Variants in GALNTL6 observed in about 807,000 individuals in gnomAD.
The protein encoded by GALNTL6 is polypeptide N-acetylgalactosaminyltransferase-like 6.
GALNTL6 carries 46 observed loss-of-function variants against 73.7 expected under a neutral mutation model. The observed-to-expected ratio is 0.62, with a 90% confidence interval of 0.49 to 0.80. GALNTL6 has a LOEUF of 0.80. GALNTL6 is among the 30% of genes least tolerant of loss of function. The probability of loss-of-function intolerance (pLI) is 0.00; values close to 1 mark genes in which losing one functional copy is unlikely to be tolerated. For missense variants in GALNTL6, 604 were observed against 755.0 expected (o/e 0.80, Z 2.34); for synonymous variants, 259 against 263.7 (o/e 0.98, Z 0.17).
intron 8 of GALNTL6, among the ~76,000 whole-genome samples, chr4:172,903,505 C>T (rs1746732234): frequency 6.6e-6 from 1 of 152,158 alleles, no homozygotes; most frequent in Non-Finnish European, 1.5e-5. Flanking sequence ...ACCCATTAAA[C>T]ATAAACATCA....
intron 5 of GALNTL6, among the ~76,000 whole-genome samples, chr4:172,777,188 C>T (rs1739120338): frequency 1.3e-5 from 2 of 152,050 alleles, no homozygotes; most frequent in Admixed American, 1.3e-4. Flanking sequence ...TTTTTAAATG[C>T]TCCCCCCCAA....
chr4:172,959,580 C>T (rs755703152), intron 10 of GALNTL6, among the ~76,000 whole-genome samples: 8 of 151,878 alleles, frequency 5.3e-5, no homozygotes, highest in Non-Finnish European at 1.2e-4. Flanking sequence ...ACCTGAAGAT[C>T]GGCATCCTTG....
In GALNTL6 at chr4:172,207,052, C is replaced by T. The variant is rs1002112947; in HGVS notation, c.139-22604C>T. On this transcript the variant is annotated intron_variant, in intron 2 of 12. Transcript: ENST00000506823. ...CAGGATGATCTCAATCTCCTGACCTCGTGATCCGCCCCCCTTGGCCTCCCA... is the reference window on the plus strand; with the variant it reads ...CAGGATGATCTCAATCTCCTGACCTTGTGATCCGCCCCCCTTGGCCTCCCA... Among the ~76,000 whole-genome samples the T allele has an allele frequency of 1.2e-4, 18 of 151,550 alleles. No individual in the cohort carries two copies. The South Asian group carries it at 1.7e-3, about 14-fold the overall frequency.
chr4:172,833,210 T>C (rs146283511), intron 7 of GALNTL6, among the ~76,000 whole-genome samples: 216 of 152,340 alleles, frequency 1.4e-3, no homozygotes, highest in Admixed American at 3.0e-3. Flanking sequence ...GCATCCAGCT[T>C]ATACAAGTTC....
chr4:172,931,328 C>T, intron 9 of GALNTL6, 60 bp downstream of exon 9: 1 of 937,370 alleles, frequency 1.1e-6, no homozygotes, highest in Non-Finnish European at 1.8e-6. Flanking sequence ...ACCAGAGTAA[C>T]CAACCTTGCC....
intron 3 of GALNTL6, among the ~76,000 whole-genome samples, chr4:172,277,024 A>C (rs1235293545): frequency 6.6e-6 from 1 of 151,658 alleles, no homozygotes; most frequent in Non-Finnish European, 1.5e-5. Context: ...ACATACTTGG[A>C]TTTTTTCTTT....
intron 12 of GALNTL6, among the ~76,000 whole-genome samples, chr4:173,024,351 T>C (rs1753142240): frequency 6.6e-6 from 1 of 152,232 alleles, no homozygotes; most frequent in Non-Finnish European, 1.5e-5. Flanking sequence ...AAGGTATTTA[T>C]ACTTAATCAG....
intron 10 of GALNTL6, among the ~76,000 whole-genome samples, chr4:172,956,459 A>G (rs1749757792): frequency 6.6e-6 from 1 of 152,212 alleles, no homozygotes; most frequent in African/African-American, 2.4e-5. Flanking sequence ...AGCAAAGATT[A>G]TTTATTTACT....
chr4:172,981,874 G>A (rs1025262226), intron 10 of GALNTL6, among the ~76,000 whole-genome samples: 33 of 137,056 alleles, frequency 2.4e-4, no homozygotes, highest in Non-Finnish European at 3.8e-4. Context: ...ATAGCTCACC[G>A]CAACCTCTGC....
chr4:171,936,143 C>T (rs1032458981), intron 2 of GALNTL6, among the ~76,000 whole-genome samples: 1 of 152,138 alleles, frequency 6.6e-6, no homozygotes, highest in Non-Finnish European at 1.5e-5. Flanking sequence ...AAGTAACGTG[C>T]ATACTAATGT....
At chr4:171,826,344 T>C (rs942113691) in intron 2 of GALNTL6, among the ~76,000 whole-genome samples, 1 of 152,182 alleles carries the variant, frequency 6.6e-6, no homozygotes, top group Non-Finnish European at 1.5e-5. Flanking sequence ...CCTGTTACTA[T>C]GGAAAAACAT....
intron 5 of GALNTL6, among the ~76,000 whole-genome samples, chr4:172,365,876 C>G (rs894985356): frequency 2.6e-5 from 4 of 151,930 alleles, no homozygotes; most frequent in Non-Finnish European, 5.9e-5. Context: ...CCGGTATAAT[C>G]AACTTCCATT....
chr4:171,845,279 G>A (rs774770226), intron 2 of GALNTL6, among the ~76,000 whole-genome samples: 31 of 152,152 alleles, frequency 2.0e-4, no homozygotes, highest in Non-Finnish European at 3.4e-4. Context: ...GCGAAAATCT[G>A]ACAGAGACAA....
chr4:171,980,221 A>G (rs1023990119), intron 2 of GALNTL6, among the ~76,000 whole-genome samples: 2 of 152,204 alleles, frequency 1.3e-5, no homozygotes, highest in African/African-American at 2.4e-5. Context: ...AAAACCATTC[A>G]ATTAGTAAAC....
intron 5 of GALNTL6, among the ~76,000 whole-genome samples, chr4:172,478,855 A>G (rs1733336448): frequency 6.6e-6 from 1 of 152,232 alleles, no homozygotes; most frequent in Non-Finnish European, 1.5e-5. Flanking sequence ...GGCAAACATC[A>G]TGAACAGACA....
intron 5 of GALNTL6, among the ~76,000 whole-genome samples, chr4:172,746,291 T>A (rs1384069346): frequency 7.0e-6 from 1 of 143,786 alleles, no homozygotes; most frequent in Non-Finnish European, 1.5e-5. Context: ...CATAGTCTAA[T>A]GCCTGGTGTA....
chr4:172,525,641 C>T (rs1734925444), intron 5 of GALNTL6, among the ~76,000 whole-genome samples: 1 of 152,058 alleles, frequency 6.6e-6, no homozygotes, highest in Non-Finnish European at 1.5e-5. Context: ...GGCAGGAGGA[C>T]CGTTTGAGCC....
At chr4:172,016,375 T>C (rs2110790852) in intron 2 of GALNTL6, among the ~76,000 whole-genome samples, 1 of 152,262 alleles carries the variant, frequency 6.6e-6, no homozygotes, top group South Asian at 2.1e-4. Context: ...TTCCACTGCA[T>C]TTTGTATTTC....
intron 2 of GALNTL6, among the ~76,000 whole-genome samples, chr4:172,111,681 A>T (rs997234959): frequency 1.3e-5 from 2 of 151,756 alleles, no homozygotes; most frequent in African/African-American, 2.4e-5. Context: ...CTTGGGGGTA[A>T]TTTTCTATTT....
Sources: allele counts gnomAD v4.1 joint callset (sites outside exome capture counted in the v4.1 genomes callset), GRCh38; gene constraint gnomAD v4.1.1; transcripts MANE v1.5; gene names NCBI Gene and HGNC (gene_info 2026-07-23, HGNC 2026-07-21).